Variants in ANKFN1 observed in about 807,000 individuals in gnomAD.
ANKFN1 encodes the protein ankyrin repeat and fibronectin type-III domain-containing protein 1.
Under a neutral mutation model 108.7 loss-of-function variants are expected in ANKFN1, and 74 were observed. The ratio of observed to expected loss-of-function variants is 0.68; its 90% CI spans 0.56 to 0.83. ANKFN1 has a LOEUF of 0.83. Among genes scored for constraint, ANKFN1 ranks in the 40% least tolerant of loss-of-function variants. The pLI, the probability that ANKFN1 is intolerant of heterozygous loss-of-function variation, is 0.00. For synonymous variants in ANKFN1, 547 were observed against 516.2 expected, an observed-to-expected ratio of 1.06 and a Z score of -0.81; for missense variants, 1,505 against 1,382.3, an observed-to-expected ratio of 1.09 and a Z score of -1.41.
chr17:56,416,151 C>T (rs113565470), intron 8 of ANKFN1, among the ~76,000 whole-genome samples: 42 of 152,102 alleles, frequency 2.8e-4, no homozygotes, highest in African/African-American at 8.7e-4. Flanking sequence ...CATTGGTCTA[C>T]GTAAAAATTT....
intron 3 of ANKFN1, among the ~76,000 whole-genome samples, chr17:56,243,741 C>T (rs922653345): frequency 1.3e-5 from 2 of 152,100 alleles, no homozygotes; most frequent in African/African-American, 4.8e-5. Flanking sequence ...TTCGGTTTAA[C>T]TTATGATCTG....
At chr17:56,484,480 A>T (rs1003845249) in intron 18 of ANKFN1, among the ~76,000 whole-genome samples, 1 of 152,248 alleles carries the variant, frequency 6.6e-6, no homozygotes. Context: ...TTCAGCTTCA[A>T]TGACTATGAG....
intron 18 of ANKFN1, among the ~76,000 whole-genome samples, chr17:56,488,285 G>A (rs546004007): frequency 6.6e-6 from 1 of 152,282 alleles, no homozygotes; most frequent in Non-Finnish European, 1.5e-5. Flanking sequence ...TGGGGGTATA[G>A]AAGAGAGAGC....
At chr17:56,160,668 C>T (rs930229453) in intron 1 of ANKFN1, among the ~76,000 whole-genome samples, 6 of 152,136 alleles carry the variant, frequency 3.9e-5, no homozygotes, top group Admixed American at 3.9e-4. Context: ...ATGGGAGCTG[C>T]CGATTGCTTC....
At position 56,345,892 on chromosome 17, in the gene ANKFN1, A is replaced by G. The variant is rs150392764; in HGVS notation, c.189-4874A>G. Among the ~76,000 whole-genome samples the G allele has an allele frequency of 4.8e-3, 734 of 151,834 alleles. 12 individuals are homozygous for G. The highest frequency in any genetic ancestry group is 0.017 in the African/African-American group (701 of 41,442). ...TGCTGTGCGGAAGCTCTTTAGTTTG[A>G]TTAGCTCCCATTTGTCAATTTTGGC... On this transcript the variant is annotated intron_variant, in intron 4 of 20. Transcript: ENST00000682825.
intron 15 of ANKFN1, 26 bp from the exon 16 acceptor site, chr17:56,477,462 T>G: frequency 2.2e-5 from 5 of 231,148 alleles, no homozygotes; most frequent in African/African-American, 2.5e-5. Context: ...CTTGTTTTCT[T>G]TTTTTTTTTT....
rs144413679 is a variant in ANKFN1, at chr17:56,303,083, C to G, written c.54-23138C>G. Among the ~76,000 whole-genome samples the G allele has an allele frequency of 2.1e-3, 325 of 152,272 alleles. 11 individuals carry two copies. The East Asian group carries it at 0.049, about 23-fold the overall frequency. ...CAAGGGCACTTCCTTTGGCTTCCAC[C>G]AAGGGATGTTGTTGATTTCTCAGTA... On this transcript the variant is annotated intron_variant, in intron 3 of 20. Coordinates refer to ENST00000682825, the MANE Select transcript of ANKFN1 (RefSeq NM_001370326.1).
intron 3 of ANKFN1, among the ~76,000 whole-genome samples, chr17:56,239,942 A>G (rs771126964): frequency 6.6e-6 from 1 of 152,138 alleles, no homozygotes; most frequent in Non-Finnish European, 1.5e-5. Context: ...ATAGAAAAAC[A>G]TAATGATTGA....
intron 4 of ANKFN1, among the ~76,000 whole-genome samples, chr17:56,337,131 A>G (rs1014492697): frequency 6.6e-6 from 1 of 152,160 alleles, no homozygotes; most frequent in Non-Finnish European, 1.5e-5. Context: ...GGAGTGCTCT[A>G]CTTCCAACTA....
chr17:56,503,486 C>CATATATATATATTTATATATATATAT (rs2051444049), intron 20 of ANKFN1, among the ~76,000 whole-genome samples: 1 of 81,566 alleles, frequency 1.2e-5, no homozygotes, highest in Non-Finnish European at 2.1e-5. Flanking sequence ...GCACAAATTT[C>CATATATATATATTTATATATATATAT]ATATATATAT....
At chr17:56,472,063 T>C (rs556439286) in intron 15 of ANKFN1, 3 of 152,166 alleles carry the variant, frequency 2.0e-5, no homozygotes, top group Non-Finnish European at 4.4e-5. Flanking sequence ...TCAATTAAAA[T>C]AAAAAGAAAC....
At chr17:56,477,445 T>G in intron 15 of ANKFN1, 43 bp from the exon 16 acceptor site, 1 of 1,495,768 alleles carries the variant, frequency 6.7e-7, no homozygotes, top group Non-Finnish European at 8.9e-7. Flanking sequence ...GCCCTTCGAG[T>G]TGTTTTCTTG....
At chr17:56,408,853 T>C (rs939273311) in intron 8 of ANKFN1, among the ~76,000 whole-genome samples, 3 of 151,844 alleles carry the variant, frequency 2.0e-5, no homozygotes, top group African/African-American at 7.3e-5. Flanking sequence ...ACGCAAAAAG[T>C]AAAAACAATA....
chr17:56,423,015 G>C (rs910285725), intron 8 of ANKFN1, among the ~76,000 whole-genome samples: 8 of 152,326 alleles, frequency 5.3e-5, no homozygotes, highest in African/African-American at 1.4e-4. Context: ...GCAGTCAGAT[G>C]ATGGGACTCA....
intron 1 of ANKFN1, among the ~76,000 whole-genome samples, chr17:56,166,846 G>T (rs1411273280): frequency 6.6e-6 from 1 of 152,060 alleles, no homozygotes; most frequent in Non-Finnish European, 1.5e-5. Context: ...TTGAATATTT[G>T]TGTAGCTTTC....
intron 16 of ANKFN1, 112 bp downstream of exon 16, chr17:56,477,766 A>G: frequency 8.7e-7 from 1 of 1,151,964 alleles, no homozygotes; most frequent in Non-Finnish European, 1.2e-6. Context: ...TTTTATGGTG[A>G]GGTGTCCTCA....
chr17:56,074,283 C>T (rs1905155420), intron 4 of ANKFN1, among the ~76,000 whole-genome samples: 1 of 152,146 alleles, frequency 6.6e-6, no homozygotes, highest in Non-Finnish European at 1.5e-5. Context: ...TTAGAGGGAC[C>T]CAGCGGATAT....
intron 3 of ANKFN1, among the ~76,000 whole-genome samples, chr17:56,297,299 G>T (rs2044540885): frequency 6.6e-6 from 1 of 152,206 alleles, no homozygotes; most frequent in South Asian, 2.1e-4. Context: ...GGGGCTGGCA[G>T]TCGCTAAGGG....
Position 56,492,200 on chromosome 17 carries a change from C to T in ANKFN1, c.2274C>T (p.Ser758=). 1 of 700,520 alleles carries T rather than the reference C, an allele frequency of 1.4e-6. No homozygotes were observed. Among genetic ancestry groups the T allele is most frequent in the Non-Finnish European group, 2.6e-6 (1 of 383,214 alleles). The allele number at this position is 700,520 out of a possible 1,614,324, so 43.4% of individuals were successfully genotyped here. Residue 758 remains serine, a synonymous_variant, in exon 19 of 21, where the codon AGC becomes AGT. Transcript: ENST00000682825. ...LQMFELVHFC[S]YREKFISLYC... Reference sequence around the variant, plus strand: ...TCCATTTTCCAGTTCATTTTTGCAGCTACAGAGAGAAATTTATTAGTCTGT... The same window carrying T: ...TCCATTTTCCAGTTCATTTTTGCAGTTACAGAGAGAAATTTATTAGTCTGT...
Sources: allele counts gnomAD v4.1 joint callset (sites outside exome capture counted in the v4.1 genomes callset), GRCh38; gene constraint gnomAD v4.1.1; transcripts MANE v1.5; gene names NCBI Gene and HGNC (gene_info 2026-07-23, HGNC 2026-07-21).